SMIM36: variants seen among roughly 807,000 people sequenced by gnomAD.
SMIM36 encodes the protein small integral membrane protein 36.
At chr17:55,529,031 T>C in the SMIM36 span, among the ~76,000 whole-genome samples, 516 of 152,348 alleles carry the variant, frequency 3.4e-3, 2 homozygotes, top group African/African-American at 0.012. Flanking sequence ...AAGTCACTTA[T>C]ATTAGTGACC....
chr17:55,465,160 G>A (rs1187310065), intron 4 of SMIM36, among the ~76,000 whole-genome samples: 1 of 152,158 alleles, frequency 6.6e-6, no homozygotes, highest in Non-Finnish European at 1.5e-5. Context: ...CATTGAATGA[G>A]CAATATTAAA....
chr17:55,495,790 G>A (rs1472412379), intron 1 of SMIM36, among the ~76,000 whole-genome samples: 2 of 152,084 alleles, frequency 1.3e-5, no homozygotes, highest in Non-Finnish European at 2.9e-5. Flanking sequence ...GCAAGACCCT[G>A]TCTCAAATTT....
the SMIM36 span, among the ~76,000 whole-genome samples, chr17:55,524,031 C>A: frequency 3.3e-5 from 5 of 152,166 alleles, no homozygotes; most frequent in East Asian, 9.7e-4. Flanking sequence ...CAGGTACTAA[C>A]CTTAGTACCT....
intron 1 of SMIM36, among the ~76,000 whole-genome samples, chr17:55,490,143 C>T (rs951693288): frequency 4.6e-5 from 7 of 152,108 alleles, no homozygotes; most frequent in African/African-American, 1.4e-4. Flanking sequence ...ACAGGAGCCA[C>T]CGCGCCTGGC....
chr17:55,479,941 T>G (rs1287622505), intron 1 of SMIM36, among the ~76,000 whole-genome samples: 2 of 152,320 alleles, frequency 1.3e-5, no homozygotes, highest in East Asian at 3.9e-4. Context: ...CAATTTTTGC[T>G]GTGAACATTA....
chr17:55,491,940 A>AGTAGAT (rs1909713620), intron 1 of SMIM36, among the ~76,000 whole-genome samples: 1 of 152,086 alleles, frequency 6.6e-6, no homozygotes, highest in Non-Finnish European at 1.5e-5. Context: ...TGGGGGAATC[A>AGTAGAT]CGAGGTCAGT....
intron 1 of SMIM36, among the ~76,000 whole-genome samples, chr17:55,500,123 A>C (rs1909881600): frequency 6.6e-6 from 1 of 151,642 alleles, no homozygotes; most frequent in Admixed American, 6.6e-5. Context: ...GGTAATTAAA[A>C]AAAATTTTTT....
At chr17:55,510,690 C>T (rs1910164048) in intron 1 of SMIM36, among the ~76,000 whole-genome samples, 189 bp downstream of exon 1, 1 of 147,200 alleles carries the variant, frequency 6.8e-6, no homozygotes, top group South Asian at 2.1e-4. Flanking sequence ...TTCCTTATCA[C>T]ACACACGCAC....
intron 3 of SMIM36, among the ~76,000 whole-genome samples, chr17:55,472,129 A>G (rs566207299): frequency 7.6e-4 from 115 of 152,192 alleles, no homozygotes; most frequent in Non-Finnish European, 1.4e-3. Flanking sequence ...ACTAATACAC[A>G]TAGCATCTTC....
chr17:55,479,870 A>G (rs1291220495), intron 1 of SMIM36, among the ~76,000 whole-genome samples: 1 of 152,238 alleles, frequency 6.6e-6, no homozygotes, highest in Non-Finnish European at 1.5e-5. Flanking sequence ...CTGCTGTTGC[A>G]GAAGACAGAT....
chr17:55,513,361 C>G (rs1291933674), upstream of SMIM36, among the ~76,000 whole-genome samples: 1 of 152,126 alleles, frequency 6.6e-6, no homozygotes, highest in Non-Finnish European at 1.5e-5. Flanking sequence ...TCAACACTGT[C>G]CAAGGTTTTA....
upstream of SMIM36, among the ~76,000 whole-genome samples, chr17:55,513,665 T>C (rs985968844): frequency 5.3e-5 from 8 of 152,226 alleles, no homozygotes; most frequent in African/African-American, 1.9e-4. Flanking sequence ...GGTGCCTCCA[T>C]GTAACAATAT....
chr17:55,515,853 C>G (rs1409463933), upstream of SMIM36, among the ~76,000 whole-genome samples: 1 of 152,236 alleles, frequency 6.6e-6, no homozygotes, highest in Non-Finnish European at 1.5e-5. Context: ...TCCTAGGAAA[C>G]TAACATACTA....
At chr17:55,496,155 C>T (rs1259457903) in intron 1 of SMIM36, among the ~76,000 whole-genome samples, 2 of 152,196 alleles carry the variant, frequency 1.3e-5, no homozygotes, top group East Asian at 1.9e-4. Context: ...GCCACGTTTC[C>T]GCTGAGCCAC....
At position 55,472,877 on chromosome 17, in the gene SMIM36, AAAAAG is replaced by A. The variant is rs1323790187; in HGVS notation, c.*348-5554_*348-5550del. On this transcript the variant is annotated intron_variant, in intron 3 of 4. Coordinates refer to ENST00000636752, the Ensembl canonical transcript of SMIM36. ...GCGAGACTCTGTCTTAAAAAAAAAAAAAAAGAAAAGAAAAGAAAAAAGAAAATGCC... is the reference window on the plus strand; with the variant it reads ...GCGAGACTCTGTCTTAAAAAAAAAAAAAAAGAAAAGAAAAAAGAAAATGCC... Among the ~76,000 whole-genome samples, 443 of 141,622 alleles carry A rather than the reference AAAAAG, an allele frequency of 3.1e-3. 14 individuals carry two copies. Among genetic ancestry groups the A allele is most frequent in the Middle Eastern group, 7.4e-3 (2 of 272 alleles). The allele number at this position is 141,622 out of a possible 152,430, so 92.9% of individuals were successfully genotyped here. A position where few individuals can be genotyped will look rare whatever the true frequency, so the allele number is the denominator to read the frequency against.
chr17:55,455,042 TG>T (rs1361742724), intron 4 of SMIM36, among the ~76,000 whole-genome samples: 1 of 152,244 alleles, frequency 6.6e-6, no homozygotes, highest in Non-Finnish European at 1.5e-5. Context: ...AATAAATTCC[TG>T]GAAGAGACAT....
chr17:55,529,502 T>C, the SMIM36 span, among the ~76,000 whole-genome samples: 2 of 151,928 alleles, frequency 1.3e-5, no homozygotes, highest in Non-Finnish European at 2.9e-5. Context: ...GCACGGTGGC[T>C]CACGCCTGTA....
chr17:55,452,939 G>C (rs1908945940), intron 4 of SMIM36, among the ~76,000 whole-genome samples: 1 of 152,316 alleles, frequency 6.6e-6, no homozygotes, highest in Admixed American at 6.5e-5. Context: ...GGGAGGGCTA[G>C]GAATGGGTGG....
chr17:55,524,684 G>C, the SMIM36 span, among the ~76,000 whole-genome samples: 2 of 151,888 alleles, frequency 1.3e-5, no homozygotes, highest in Non-Finnish European at 2.9e-5. Context: ...AGTTTCTAAG[G>C]GTCCAGTTGT....
Sources: allele counts gnomAD v4.1 joint callset (sites outside exome capture counted in the v4.1 genomes callset), GRCh38; gene constraint gnomAD v4.1.1; transcripts MANE v1.5; gene names NCBI Gene and HGNC (gene_info 2026-07-23, HGNC 2026-07-21).